Variants in RIC1 observed in about 807,000 individuals in gnomAD.
RIC1 encodes the protein RIC1 partner of RAB6A GEF complex, also known as guanine nucleotide exchange factor subunit RIC1.
A neutral mutation model predicts 169.0 loss-of-function variants in RIC1; 88 were observed. That is an observed-to-expected ratio of 0.52 (90% CI 0.44 to 0.62). The LOEUF is 0.62. Ranked by LOEUF, RIC1 falls within the 20% of genes least tolerant of loss-of-function variation. The probability of loss-of-function intolerance (pLI) is 0.00; values close to 1 mark genes in which losing one functional copy is unlikely to be tolerated. For missense variants in RIC1, 1,877 were observed against 1,725.5 expected, an observed-to-expected ratio of 1.09 and a Z score of -1.56; for synonymous variants, 790 against 601.5, an observed-to-expected ratio of 1.31 and a Z score of -4.59.
chr9:5,643,437 G>A (rs1439306988), intron 1 of RIC1, among the ~76,000 whole-genome samples: 1 of 152,126 alleles, frequency 6.6e-6, no homozygotes, highest in African/African-American at 2.4e-5. Flanking sequence ...GAGCCTAGGA[G>A]GTTGAGGCTG....
chr9:5,677,796 G>GA (rs1287875717), intron 2 of RIC1, among the ~76,000 whole-genome samples: 1 of 151,550 alleles, frequency 6.6e-6, no homozygotes, highest in East Asian at 1.9e-4. Context: ...ACATTGTTTT[G>GA]AAAAAACTTC....
chr9:5,671,476 A>G (rs545539064), intron 2 of RIC1, among the ~76,000 whole-genome samples: 291 of 151,922 alleles, frequency 1.9e-3, no homozygotes, highest in African/African-American at 6.5e-3. Flanking sequence ...GGGTTTTGCC[A>G]TGTTGGCCAG....
intron 2 of RIC1, among the ~76,000 whole-genome samples, chr9:5,662,283 G>A (rs1819499846): frequency 6.6e-6 from 1 of 151,838 alleles, no homozygotes; most frequent in South Asian, 2.1e-4. Context: ...ATTGGCCTGA[G>A]GTTTTCTTTT....
At chr9:5,770,867 C>T (rs2131144888) in intron 23 of RIC1, among the ~76,000 whole-genome samples, 1 of 152,272 alleles carries the variant, frequency 6.6e-6, no homozygotes, top group Non-Finnish European at 1.5e-5. Flanking sequence ...ATGGGTAAAT[C>T]ACAAACTGAA....
rs530844294 is a variant in RIC1, at chr9:5,754,023, CGTGTGT to C, written c.1602+380_1602+385del. Among the ~76,000 whole-genome samples the C allele has an allele frequency of 7.3e-3, 1,116 of 152,002 alleles. 12 individuals are homozygous for C. Among genetic ancestry groups the C allele is most frequent in the African/African-American group, 0.025 (1,042 of 41,488 alleles). Reference sequence around the variant, plus strand: ...TGATGTATATGGGATAGTGAGTGTGCGTGTGTGTATGTGTATGTGTGTGTACATATA... The same window carrying C: ...TGATGTATATGGGATAGTGAGTGTGCGTATGTGTATGTGTGTGTACATATA... On this transcript the variant is annotated intron_variant, in intron 14 of 25. Transcript: ENST00000414202.
chr9:5,771,280 A>T (rs1442548678), intron 23 of RIC1, among the ~76,000 whole-genome samples: 1 of 152,082 alleles, frequency 6.6e-6, no homozygotes, highest in Non-Finnish European at 1.5e-5. Flanking sequence ...GAATTTGACT[A>T]TTCTAGGTAC....
chr9:5,656,962 T>G (rs899791409), intron 2 of RIC1, among the ~76,000 whole-genome samples: 1 of 152,172 alleles, frequency 6.6e-6, no homozygotes, highest in Non-Finnish European at 1.5e-5. Context: ...TGTTTTGCCC[T>G]TGAAGTCTAA....
At chr9:5,745,591 G>A (rs1825329009) in intron 10 of RIC1, among the ~76,000 whole-genome samples, 1 of 152,222 alleles carries the variant, frequency 6.6e-6, no homozygotes, top group East Asian at 1.9e-4. Context: ...CTTCTGTAAG[G>A]AATTTCTTTG....
chr9:5,641,267 A>G (rs925122695), intron 1 of RIC1, among the ~76,000 whole-genome samples: 1 of 151,410 alleles, frequency 6.6e-6, no homozygotes, highest in African/African-American at 2.4e-5. Flanking sequence ...AATTTTTTGT[A>G]TTTTTAGTAG....
At chr9:5,767,777 G>T (rs556504353) in intron 21 of RIC1, among the ~76,000 whole-genome samples, 2 of 151,858 alleles carry the variant, frequency 1.3e-5, no homozygotes, top group African/African-American at 4.8e-5. Flanking sequence ...AGTAGAGACG[G>T]GGTTTCTCCG....
At chr9:5,721,203 A>T (rs1471372478) in intron 6 of RIC1, among the ~76,000 whole-genome samples, 1 of 152,170 alleles carries the variant, frequency 6.6e-6, no homozygotes, top group East Asian at 1.9e-4. Context: ...TTAATTGTTT[A>T]TATTTTTATC....
intron 3 of RIC1, among the ~76,000 whole-genome samples, chr9:5,702,623 C>G (rs1248059073): frequency 1.3e-5 from 2 of 152,164 alleles, no homozygotes; most frequent in African/African-American, 4.8e-5. Context: ...ACTGCAACCT[C>G]CGCCTCCCGG....
intron 2 of RIC1, among the ~76,000 whole-genome samples, chr9:5,684,037 G>A (rs147266168): frequency 0.022 from 3,339 of 152,200 alleles, 127 homozygotes; most frequent in African/African-American, 0.076. Flanking sequence ...TCCTGGTGCC[G>A]TCTGTCACCC....
At chr9:5,702,996 G>C (rs1822331667) in intron 3 of RIC1, among the ~76,000 whole-genome samples, 1 of 152,136 alleles carries the variant, frequency 6.6e-6, no homozygotes, top group Admixed American at 6.6e-5. Flanking sequence ...GATTTGTGTA[G>C]GGACAGAGAC....
At chr9:5,690,709 T>A (rs1821545663) in intron 3 of RIC1, among the ~76,000 whole-genome samples, 1 of 151,864 alleles carries the variant, frequency 6.6e-6, no homozygotes, top group Admixed American at 6.6e-5. Flanking sequence ...AGTTTAAATT[T>A]TTGAATATTA....
chr9:5,718,790 T>C (rs2130856495), intron 4 of RIC1, among the ~76,000 whole-genome samples: 2 of 152,316 alleles, frequency 1.3e-5, no homozygotes, highest in South Asian at 4.1e-4. Flanking sequence ...TGATTACAAA[T>C]GGCTGTGAAG....
chr9:5,689,947 T>C lies in RIC1; in HGVS notation c.253-12T>C. On this transcript the variant is annotated splice_polypyrimidine_tract_variant and intron_variant, in intron 2 of 25. Coordinates refer to ENST00000414202, the MANE Select transcript of RIC1 (RefSeq NM_020829.4). ...ACTCTTTAATTCATGATTAATAAAA[T>C]TTCTCTTTCAGACGGCAAATGGATA... The C allele has an allele frequency of 6.4e-7, 1 of 1,551,520 alleles. No individual in the cohort carries two copies. Among genetic ancestry groups the C allele is most frequent in the Non-Finnish European group, 8.8e-7 (1 of 1,134,630 alleles).
chr9:5,728,342 C>T (rs1824132743), intron 6 of RIC1, among the ~76,000 whole-genome samples: 1 of 152,372 alleles, frequency 6.6e-6, no homozygotes, highest in Non-Finnish European at 1.5e-5. Flanking sequence ...CCCTCCAAGC[C>T]AGGCGCAGGA....
intron 6 of RIC1, 52 bp from the exon 7 acceptor site, chr9:5,732,336 G>C (rs368966763): frequency 6.0e-6 from 8 of 1,337,830 alleles, no homozygotes; most frequent in Non-Finnish European, 8.5e-6. Context: ...TATTGACTAC[G>C]GTAAATTTGG....
Sources: gnomAD v4.1 joint callset for allele counts (sites outside exome capture counted in the v4.1 genomes callset) on GRCh38, gnomAD v4.1.1 for gene constraint, MANE v1.5 for transcripts, NCBI Gene and HGNC (gene_info 2026-07-23, HGNC 2026-07-21) for gene names.